Variants in NRXN1 observed in about 807,000 individuals in gnomAD.
NRXN1 encodes the protein neurexin-1.
In NRXN1, 39 loss-of-function variants were observed where a neutral mutation model predicts 150.9. The ratio of observed to expected loss-of-function variants is 0.26; its 90% CI spans 0.20 to 0.34. The LOEUF is 0.34. Among genes scored for constraint, NRXN1 ranks in the 10% least tolerant of loss-of-function variants. The pLI, the probability that NRXN1 is intolerant of heterozygous loss-of-function variation, is 1.00. For missense variants in NRXN1, 1,815 were observed against 1,949.9 expected, an observed-to-expected ratio of 0.93 and a Z score of 1.30; for synonymous variants, 924 against 757.0, an observed-to-expected ratio of 1.22 and a Z score of -3.62.
chr2:50,309,467 T>C (rs1384471310), intron 17 of NRXN1, among the ~76,000 whole-genome samples: 2 of 152,168 alleles, frequency 1.3e-5, no homozygotes, highest in Non-Finnish European at 2.9e-5. Context: ...GAAAACTAAT[T>C]CAGAATGTAA....
rs533230180 is a variant in NRXN1, at chr2:50,488,256, ACT to A, written c.3070+7647_3070+7648del. Among the ~76,000 whole-genome samples, 61 of 152,240 alleles carry A rather than the reference ACT, an allele frequency of 4.0e-4. 1 individual carries two copies. Among genetic ancestry groups the A allele is most frequent in the African/African-American group, 1.5e-3 (61 of 41,538 alleles). ...AGTAAACTCATATTTGTATAATGTG[ACT>A]CTGTCTCTTATTCCCTCAACCTGGC... On this transcript the variant is annotated intron_variant, in intron 15 of 22. Coordinates refer to ENST00000401669, the MANE Select transcript of NRXN1 (RefSeq NM_001330078.2).
At chr2:49,941,098 T>A (rs1417373929) in intron 22 of NRXN1, among the ~76,000 whole-genome samples, 1 of 151,884 alleles carries the variant, frequency 6.6e-6, no homozygotes, top group African/African-American at 2.4e-5. Flanking sequence ...ACAGAACAAG[T>A]CCATGCAGGC....
At position 51,024,480 on chromosome 2, in the gene NRXN1, C is replaced by G. The variant is rs563713334; in HGVS notation, c.772+3022G>C. Among the ~76,000 whole-genome samples, 421 of 152,026 alleles carry G rather than the reference C, an allele frequency of 2.8e-3. 3 individuals carry two copies. Among genetic ancestry groups the G allele is most frequent in the African/African-American group, 9.4e-3 (388 of 41,348 alleles). ...GGGAACAAATAAAAGTGTTTATGCT[C>G]TTACCCAGGTTCTGCCACTAACCTG... On this transcript the variant is annotated intron_variant, in intron 2 of 22. Transcript: ENST00000401669.
At chr2:50,590,464 T>A (rs961486952) in intron 8 of NRXN1, among the ~76,000 whole-genome samples, 6 of 152,278 alleles carry the variant, frequency 3.9e-5, no homozygotes, top group Admixed American at 3.9e-4. Context: ...TACCTTTATA[T>A]ACCTAAGCAA....
chr2:50,672,707 T>C (rs1247771485), intron 5 of NRXN1, among the ~76,000 whole-genome samples: 5 of 152,182 alleles, frequency 3.3e-5, no homozygotes, highest in South Asian at 4.1e-4. Context: ...CCCAGCTCTG[T>C]TATAGATAAA....
At chr2:50,491,511 G>T (rs778787598) in intron 15 of NRXN1, among the ~76,000 whole-genome samples, 26 of 152,144 alleles carry the variant, frequency 1.7e-4, no homozygotes, top group Admixed American at 8.5e-4. Flanking sequence ...ATACTAGGAA[G>T]GTTGAGGAGG....
chr2:50,709,028 T>G (rs1694802810), intron 5 of NRXN1, among the ~76,000 whole-genome samples: 2 of 152,072 alleles, frequency 1.3e-5, no homozygotes. Flanking sequence ...CTGTCCTCTG[T>G]TCATGGCTTT....
At chr2:50,521,977 G>A (rs1018657548) in intron 12 of NRXN1, among the ~76,000 whole-genome samples, 3 of 152,078 alleles carry the variant, frequency 2.0e-5, no homozygotes, top group African/African-American at 7.2e-5. Context: ...TTCTAGAAAA[G>A]TCGAATATAC....
chr2:50,841,142 T>G (rs904927886), intron 5 of NRXN1: 1 of 152,604 alleles, frequency 6.6e-6, no homozygotes, highest in Admixed American at 6.5e-5. Flanking sequence ...TGAGCTACAT[T>G]ACCTAGAGGA....
At chr2:50,535,423 G>T (rs2093230831) in intron 10 of NRXN1, among the ~76,000 whole-genome samples, 1 of 152,188 alleles carries the variant, frequency 6.6e-6, no homozygotes, top group Admixed American at 6.6e-5. Flanking sequence ...TTGCCGAAAG[G>T]CAGTCACATA....
chr2:50,881,613 T>G (rs1218553626), intron 5 of NRXN1, among the ~76,000 whole-genome samples: 1 of 151,832 alleles, frequency 6.6e-6, no homozygotes, highest in Non-Finnish European at 1.5e-5. Flanking sequence ...TTCTGAATTA[T>G]GGAAAGTGAG....
chr2:50,938,531 T>A (rs186039552), intron 2 of NRXN1, among the ~76,000 whole-genome samples: 145 of 152,282 alleles, frequency 9.5e-4, no homozygotes, highest in African/African-American at 3.4e-3. Context: ...CCAAAGTTTC[T>A]TCCACATTTT....
chr2:50,576,082 C>T (rs903527543), intron 8 of NRXN1, among the ~76,000 whole-genome samples: 3 of 152,048 alleles, frequency 2.0e-5, no homozygotes, highest in Admixed American at 6.5e-5. Context: ...CTAGTATTTA[C>T]CAGTGCATTT....
chr2:50,106,976 G>C (rs1701731275), intron 18 of NRXN1, among the ~76,000 whole-genome samples: 1 of 151,918 alleles, frequency 6.6e-6, no homozygotes, highest in Non-Finnish European at 1.5e-5. Context: ...AAAATGCACT[G>C]ATTATGGAAG....
chr2:50,828,186 G>A (rs1473140727), intron 5 of NRXN1, among the ~76,000 whole-genome samples: 33 of 150,030 alleles, frequency 2.2e-4, no homozygotes, highest in Admixed American at 7.3e-4. Context: ...GGGCGGCCGG[G>A]CAGAGGCACC....
rs191967757 is a variant in NRXN1, at chr2:50,697,363, T to C, written c.833-73748A>G. ...CTAAGAGAGAGGATGCTCATTAAAT[T>C]TGTGTGTGACAAAAGTTGGAAAGAG... On this transcript the variant is annotated intron_variant, in intron 5 of 22. Coordinates refer to ENST00000401669, the MANE Select transcript of NRXN1 (RefSeq NM_001330078.2). Among the ~76,000 whole-genome samples, 12 of 152,314 alleles carry C rather than the reference T, an allele frequency of 7.9e-5. No individual in the cohort carries two copies. The East Asian group carries it at 2.1e-3, about 27-fold the overall frequency.
chr2:50,641,859 A>G (rs578154229), intron 5 of NRXN1, among the ~76,000 whole-genome samples: 2 of 152,186 alleles, frequency 1.3e-5, no homozygotes, highest in South Asian at 2.1e-4. Context: ...TGTTTCCTGT[A>G]GAGAACTCCC....
chr2:50,899,832 G>A (rs1682640914), intron 5 of NRXN1, among the ~76,000 whole-genome samples: 1 of 152,154 alleles, frequency 6.6e-6, no homozygotes, highest in Non-Finnish European at 1.5e-5. Context: ...TGCAGTTTAA[G>A]AAGCATAAAC....
intron 5 of NRXN1, among the ~76,000 whole-genome samples, chr2:50,663,359 C>G (rs1687583273): frequency 6.6e-6 from 1 of 151,906 alleles, no homozygotes; most frequent in Admixed American, 6.6e-5. Flanking sequence ...TCGGACTCTC[C>G]TTTGTGCTTC....
Sources: allele counts gnomAD v4.1 joint callset (sites outside exome capture counted in the v4.1 genomes callset), GRCh38; gene constraint gnomAD v4.1.1; transcripts MANE v1.5; gene names NCBI Gene and HGNC (gene_info 2026-07-23, HGNC 2026-07-21).